The following ACP7 variants were observed in gnomAD, a reference collection of about 807,000 sequenced individuals.
ACP7 encodes acid phosphatase type 7.
A neutral mutation model predicts 60.6 loss-of-function variants in ACP7; 58 were observed. The observed-to-expected ratio is 0.96, with a 90% CI of 0.77 to 1.19. ACP7 has a LOEUF of 1.19. Among genes scored for constraint, ACP7 ranks in the 50% most tolerant of loss-of-function variants. The pLI is 0.00. For synonymous variants in ACP7, 237 were observed against 232.6 expected (o/e 1.02, Z -0.17); for missense variants, 574 against 596.2 (o/e 0.96, Z 0.39).
chr19:39,085,015 T>C, intron 1 of ACP7, 77 bp from the exon 2 acceptor site: 1 of 439,912 alleles, frequency 2.3e-6, no homozygotes. Context: ...TGTCAAGCGG[T>C]TGGCACACTG....
At position 39,099,113 on chromosome 19, in the gene ACP7, A is replaced by G. The variant is rs772565300; in HGVS notation, c.476A>G (p.Gln159Arg). The G allele has an allele frequency of 1.3e-6, 2 of 1,580,580 alleles. No individual in the cohort carries two copies. The highest frequency in any genetic ancestry group is 1.8e-5 in the Admixed American group (1 of 54,404). Reference sequence around the variant, plus strand: ...CCCCGGCTGCGCAGGGACACCCAGCAGGGCATGTATGACGCCGTTCTCCAT... The same window carrying G: ...CCCCGGCTGCGCAGGGACACCCAGCGGGGCATGTATGACGCCGTTCTCCAT... ...AVPRLRRDTQ[Q>R]GMYDAVLHVG... The change falls in exon 4 of 13, where the codon CAG becomes CGG. Residue 159 changes from glutamine to arginine, a missense_variant. Coordinates refer to ENST00000331256, the MANE Select transcript of ACP7 (RefSeq NM_001004318.3).
At chr19:39,096,718 A>C (rs1399728006) in intron 2 of ACP7, among the ~76,000 whole-genome samples, 1 of 152,200 alleles carries the variant, frequency 6.6e-6, no homozygotes. Flanking sequence ...GAAGAAAAAG[A>C]GGTTTAATTG....
chr19:39,095,736 T>C (rs1217283495), intron 2 of ACP7, among the ~76,000 whole-genome samples: 1 of 152,244 alleles, frequency 6.6e-6, no homozygotes, highest in Non-Finnish European at 1.5e-5. Context: ...AGGTTCTCCA[T>C]GAGAGCCCCA....
intron 2 of ACP7, among the ~76,000 whole-genome samples, chr19:39,095,511 T>A (rs1299674926): frequency 6.6e-6 from 1 of 152,252 alleles, no homozygotes; most frequent in Non-Finnish European, 1.5e-5. Context: ...CCCCTGTGGC[T>A]TTGCAGGGTA....
At position 39,093,172 on chromosome 19, in the gene ACP7, C is replaced by CTTTCTTTCTTTCTTTCCT; in HGVS notation, c.122-5285_122-5284insTTCTTTCTTTCTTTCCTT. 3.1e-3 allele frequency among the ~76,000 whole-genome samples: 252 copies of CTTTCTTTCTTTCTTTCCT among 80,852 alleles called. 44 individuals carry two copies. The highest frequency in any genetic ancestry group is 0.012 in the African/African-American group (230 of 19,496). The allele number at this position is 80,852 out of a possible 152,430, so 53.0% of individuals were successfully genotyped here. A position where few individuals can be genotyped will look rare whatever the true frequency, so the allele number is the denominator to read the frequency against. On this transcript the variant is annotated intron_variant, in intron 2 of 12. Transcript: ENST00000331256. ...TCTTTCTTTCTCTTTCTTTCTTTCT[C>CTTTCTTTCTTTCTTTCCT]TCCTTCCTTCCTTCCTTCTTTCTTT...
Position 39,111,149 on chromosome 19 carries a change from G to A in ACP7, c.*1031G>A, listed in dbSNP as rs1210309692. Reference sequence around the variant, plus strand: ...AGTGCAAAGGCCCTGAGACAGAAATGTGCCTGGCCGGCTGGGTACAGTAAC... The same window carrying A: ...AGTGCAAAGGCCCTGAGACAGAAATATGCCTGGCCGGCTGGGTACAGTAAC... On this transcript the variant is annotated 3_prime_UTR_variant, in exon 13 of 13. Transcript: ENST00000331256. 2 of 152,270 alleles carry A rather than the reference G, an allele frequency of 1.3e-5. No homozygotes were observed. The highest frequency in any genetic ancestry group is 2.4e-5 in the African/African-American group (1 of 41,436). 9.4% of individuals were successfully genotyped at this position (152,270 alleles called of 1,614,324 possible). A position where few individuals can be genotyped will look rare whatever the true frequency, so the allele number is the denominator to read the frequency against.
intron 4 of ACP7, 87 bp from the exon 5 acceptor site, chr19:39,100,140 G>GT: frequency 6.4e-7 from 1 of 1,552,798 alleles, no homozygotes; most frequent in Non-Finnish European, 8.8e-7. Flanking sequence ...GGATTAACAG[G>GT]TGTGAGTCAC....
chr19:39,104,330 G>A (rs981055779), intron 11 of ACP7, among the ~76,000 whole-genome samples: 3 of 151,794 alleles, frequency 2.0e-5, no homozygotes, highest in Admixed American at 6.6e-5. Flanking sequence ...CACTTAGATC[G>A]TGGGTCATGC....
intron 3 of ACP7, 141 bp from the exon 4 acceptor site, chr19:39,098,819 G>A (rs540455997): frequency 3.0e-5 from 42 of 1,378,082 alleles, no homozygotes; most frequent in Non-Finnish European, 3.7e-5. Context: ...GGAAGGTGCC[G>A]GGGAAGGCAG....
chr19:39,102,530 G>A (rs774258989), intron 11 of ACP7, among the ~76,000 whole-genome samples: 1 of 151,878 alleles, frequency 6.6e-6, no homozygotes, highest in Non-Finnish European at 1.5e-5. Context: ...TCACCACGTT[G>A]GCCAGGCTGG....
At chr19:39,102,393 T>TTC (rs930916121) in intron 11 of ACP7, among the ~76,000 whole-genome samples, 11 of 151,750 alleles carry the variant, frequency 7.2e-5, no homozygotes, top group Non-Finnish European at 1.6e-4. Flanking sequence ...TTTTTTTTTT[T>TTC]CGAGACGGAG....
intron 6 of ACP7, 46 bp downstream of exon 6, chr19:39,100,688 G>A: frequency 6.2e-7 from 1 of 1,612,230 alleles, no homozygotes; most frequent in Non-Finnish European, 8.5e-7. Context: ...CTGAAGGATG[G>A]GAGATGCAGG....
chr19:39,102,018 G>T (rs956667801), intron 11 of ACP7, among the ~76,000 whole-genome samples: 61 of 151,494 alleles, frequency 4.0e-4, no homozygotes, highest in African/African-American at 1.4e-3. Flanking sequence ...TATTCAAAAA[G>T]ATGAGTCAGG....
rs1475651592 is a variant in ACP7, at chr19:39,100,229, G to T, written c.508G>T (p.Asp170Tyr). 1 of 1,613,816 alleles carries T rather than the reference G, an allele frequency of 6.2e-7. No homozygotes were observed. The highest frequency in any genetic ancestry group is 8.5e-7 in the Non-Finnish European group (1 of 1,179,946). ...GMYDAVLHVG[D>Y]FAYNLDQDNA... ...CCTCCTTCCGCCCCCTCCCCCAGGA[G>T]ACTTTGCCTACAACCTGGATCAGGA... Residue 170 changes from aspartate to tyrosine, a missense_variant and splice_region_variant, in exon 5 of 13, where the codon GAC becomes TAC. Transcript: ENST00000331256.
At chr19:39,088,983 G>A (rs1266872409) in intron 2 of ACP7, among the ~76,000 whole-genome samples, 2 of 151,568 alleles carry the variant, frequency 1.3e-5, no homozygotes, top group Non-Finnish European at 2.9e-5. Flanking sequence ...AGGCTAGAGT[G>A]TAGTGGTGAG....
chr19:39,110,986 A>C lies in ACP7; in HGVS notation c.*868A>C, dbSNP rs1240924064. The C allele has an allele frequency of 6.6e-6, 1 of 152,202 alleles. No homozygotes were observed. The highest frequency in any genetic ancestry group is 1.5e-5 in the Non-Finnish European group (1 of 68,050). 9.4% of individuals were successfully genotyped at this position (152,202 alleles called of 1,614,324 possible). On this transcript the variant is annotated 3_prime_UTR_variant, in exon 13 of 13. Coordinates refer to ENST00000331256, the MANE Select transcript of ACP7 (RefSeq NM_001004318.3). The stretch of plus-strand genomic sequence containing the variant: ...GTTAAATAGCGATTTGTGAGTAGAA[A>C]ACGCAGGGACGGTGAGAGAGCAGTT...
upstream of ACP7, chr19:39,084,082 G>C (rs691391): frequency 0.25 from 37,649 of 152,204 alleles, 4,689 homozygotes; most frequent in Non-Finnish European, 0.26. Flanking sequence ...CGAGCGCAGG[G>C]TTACCTGCCT....
chr19:39,096,793 T>TTTTCTTTCTTTC, intron 2 of ACP7, among the ~76,000 whole-genome samples: 1 of 152,224 alleles, frequency 6.6e-6, no homozygotes, highest in South Asian at 2.1e-4. Context: ...GCCATTTCTT[T>TTTTCTTTCTTTC]TTTCTTTCTT....
At chr19:39,087,184 G>A (rs181386580) in intron 2 of ACP7, among the ~76,000 whole-genome samples, 1 of 151,898 alleles carries the variant, frequency 6.6e-6, no homozygotes, top group East Asian at 2.0e-4. Flanking sequence ...GCTAATTTTT[G>A]TATTTTTTAT....
Sources: gnomAD v4.1 joint callset for allele counts (sites outside exome capture counted in the v4.1 genomes callset) on GRCh38, gnomAD v4.1.1 for gene constraint, MANE v1.5 for transcripts, NCBI Gene and HGNC (gene_info 2026-07-23, HGNC 2026-07-21) for gene names.